The following CSMD1 variants were observed in gnomAD, a reference collection of about 807,000 sequenced individuals.
CSMD1 encodes the protein CUB and Sushi multiple domains 1, also known as CUB and sushi domain-containing protein 1.
In CSMD1, 213 loss-of-function variants were observed where a neutral mutation model predicts 417.5. The observed-to-expected ratio is 0.51, with a 90% confidence interval of 0.46 to 0.57. CSMD1 has a LOEUF of 0.57. Ranked by LOEUF, CSMD1 falls within the 20% of genes least tolerant of loss-of-function variation. The pLI is 0.00. For missense variants in CSMD1, 6,923 were observed against 4,529.7 expected (o/e 1.53, Z -15.17); for synonymous variants, 2,862 against 1,736.8 (o/e 1.65, Z -16.11).
intron 3 of CSMD1, among the ~76,000 whole-genome samples, chr8:4,330,629 A>G (rs1158956000): frequency 6.6e-6 from 1 of 151,966 alleles, no homozygotes; most frequent in Non-Finnish European, 1.5e-5. Context: ...CATAAATCTA[A>G]TCATATTTTA....
chr8:3,825,583 G>C (rs886312433), intron 5 of CSMD1, among the ~76,000 whole-genome samples: 11 of 119,850 alleles, frequency 9.2e-5, no homozygotes, highest in Non-Finnish European at 1.7e-4. Flanking sequence ...TTACCTAGAA[G>C]AGTGGGGGAA....
chr8:3,982,196 TA>T (rs67468358), intron 5 of CSMD1, among the ~76,000 whole-genome samples: 22,858 of 144,430 alleles, frequency 0.16, 1,894 homozygotes, highest in Non-Finnish European at 0.17. Flanking sequence ...ATAATATTAA[TA>T]AAAAAAATAA....
At chr8:4,828,693 G>C (rs1329447959) in intron 1 of CSMD1, among the ~76,000 whole-genome samples, 1 of 152,124 alleles carries the variant, frequency 6.6e-6, no homozygotes, top group Non-Finnish European at 1.5e-5. Context: ...GTGTGTAAAA[G>C]TCAACCTGGC....
intron 52 of CSMD1, among the ~76,000 whole-genome samples, chr8:3,012,809 T>C (rs966933007): frequency 6.6e-6 from 1 of 152,194 alleles, no homozygotes; most frequent in Non-Finnish European, 1.5e-5. Flanking sequence ...CTGCTTCATA[T>C]GATTGGCTGT....
At chr8:3,642,860 T>A (rs948443510) in intron 7 of CSMD1, among the ~76,000 whole-genome samples, 2 of 151,850 alleles carry the variant, frequency 1.3e-5, no homozygotes, top group Non-Finnish European at 2.9e-5. Flanking sequence ...TATCTATATA[T>A]AGATTATACA....
chr8:3,911,438 G>C (rs2129139483), intron 5 of CSMD1, among the ~76,000 whole-genome samples: 1 of 151,492 alleles, frequency 6.6e-6, no homozygotes, highest in African/African-American at 2.4e-5. Context: ...TGAGGCAGGA[G>C]AATGGCGTGA....
At chr8:3,937,805 A>G (rs1810610033) in intron 5 of CSMD1, among the ~76,000 whole-genome samples, 1 of 152,146 alleles carries the variant, frequency 6.6e-6, no homozygotes, top group Non-Finnish European at 1.5e-5. Flanking sequence ...TGTTACTTCA[A>G]TTACTGCTTA....
intron 9 of CSMD1, among the ~76,000 whole-genome samples, chr8:3,577,677 T>A (rs544204775): frequency 2.6e-5 from 4 of 152,232 alleles, no homozygotes; most frequent in Non-Finnish European, 5.9e-5. Context: ...ACTGTAATTA[T>A]GTAATTCTAA....
intron 6 of CSMD1, among the ~76,000 whole-genome samples, chr8:3,714,339 T>C (rs996442442): frequency 3.4e-4 from 52 of 150,896 alleles, no homozygotes; most frequent in Non-Finnish European, 6.8e-4. Flanking sequence ...ACTAATCTTT[T>C]ATATTTACCT....
At chr8:4,451,258 G>A (rs897908810) in intron 2 of CSMD1, among the ~76,000 whole-genome samples, 1 of 152,116 alleles carries the variant, frequency 6.6e-6, no homozygotes, top group East Asian at 1.9e-4. Flanking sequence ...TTGAGCCCAG[G>A]AGGTCCAGGC....
intron 3 of CSMD1, among the ~76,000 whole-genome samples, chr8:4,078,407 C>G (rs1799944848): frequency 6.7e-6 from 1 of 150,152 alleles, no homozygotes; most frequent in Non-Finnish European, 1.5e-5. Flanking sequence ...CTCCACCTCC[C>G]GGGTTCACGC....
At chr8:3,074,500 G>A (rs538174551) in intron 49 of CSMD1, among the ~76,000 whole-genome samples, 10 of 152,294 alleles carry the variant, frequency 6.6e-5, no homozygotes, top group South Asian at 2.1e-4. Context: ...GAAGCAAGCC[G>A]TCACACCTGT....
chr8:4,652,936 G>C (rs191539933), intron 1 of CSMD1, among the ~76,000 whole-genome samples: 1 of 151,448 alleles, frequency 6.6e-6, no homozygotes. Context: ...GTGGTAATGT[G>C]AGTGATAGGG....
chr8:3,861,496 G>A (rs186168915), intron 5 of CSMD1, among the ~76,000 whole-genome samples: 62 of 152,288 alleles, frequency 4.1e-4, no homozygotes, highest in South Asian at 1.4e-3. Context: ...CGTGAGGGCT[G>A]TGCCTTTGAA....
At chr8:4,869,882 A>G (rs1802635821) in intron 1 of CSMD1, among the ~76,000 whole-genome samples, 4 of 152,018 alleles carry the variant, frequency 2.6e-5, no homozygotes, top group African/African-American at 9.7e-5. Flanking sequence ...CAATGAAAAG[A>G]AGTTAATGTT....
In CSMD1 at chr8:4,903,591, T is replaced by C. The variant is rs148730186; in HGVS notation, c.85+90741A>G. On this transcript the variant is annotated intron_variant, in intron 1 of 69. Transcript: ENST00000635120. ...TGGCAATTTAAAATACCTGTAAATG[T>C]CAACTTGTTACATGATAAAACATTA... Among the ~76,000 whole-genome samples the C allele has an allele frequency of 5.3e-3, 804 of 152,354 alleles. 8 individuals carry two copies. Among genetic ancestry groups the C allele is most frequent in the African/African-American group, 0.019 (770 of 41,582 alleles).
At position 4,494,881 on chromosome 8, in the gene CSMD1, G is replaced by T. The variant is rs144260235; in HGVS notation, c.303-74816C>A. 2.4e-3 allele frequency among the ~76,000 whole-genome samples: 361 copies of T among 152,096 alleles called. 2 individuals carry two copies. Among genetic ancestry groups the T allele is most frequent in the African/African-American group, 7.6e-3 (314 of 41,494 alleles). ...TTCTACCTGAAACATGGAAACAAAA[G>T]CTTAAAATTCTCATTGTTAGGACAA... On this transcript the variant is annotated intron_variant, in intron 2 of 69. Transcript: ENST00000635120.
intron 1 of CSMD1, among the ~76,000 whole-genome samples, chr8:4,904,230 T>G (rs557229693): frequency 6.6e-6 from 1 of 152,162 alleles, no homozygotes; most frequent in Admixed American, 6.6e-5. Flanking sequence ...TTAGGCATCA[T>G]AGAAAGCTCC....
intron 5 of CSMD1, among the ~76,000 whole-genome samples, chr8:3,821,172 C>T (rs1345068942): frequency 6.6e-6 from 1 of 152,116 alleles, no homozygotes; most frequent in East Asian, 1.9e-4. Context: ...CCCGCCTCGG[C>T]CTCCCAAACT....
Sources: allele counts gnomAD v4.1 joint callset (sites outside exome capture counted in the v4.1 genomes callset), GRCh38; gene constraint gnomAD v4.1.1; transcripts MANE v1.5; gene names NCBI Gene and HGNC (gene_info 2026-07-23, HGNC 2026-07-21).